Variants in ADAMTS12 observed in about 807,000 individuals in gnomAD.
The protein encoded by ADAMTS12 is A disintegrin and metalloproteinase with thrombospondin motifs 12.
Under a neutral mutation model 167.8 loss-of-function variants are expected in ADAMTS12, and 118 were observed. That is an observed-to-expected ratio of 0.70 (90% CI 0.61 to 0.82). ADAMTS12 has a LOEUF of 0.82. Among genes scored for constraint, ADAMTS12 ranks in the 40% least tolerant of loss-of-function variants. The probability of loss-of-function intolerance (pLI) is 0.00; values close to 1 mark genes in which losing one functional copy is unlikely to be tolerated. For synonymous variants in ADAMTS12, 704 were observed against 716.9 expected, an observed-to-expected ratio of 0.98 and a Z score of 0.29; for missense variants, 1,916 against 1,998.8, an observed-to-expected ratio of 0.96 and a Z score of 0.79.
intron 2 of ADAMTS12, among the ~76,000 whole-genome samples, chr5:33,879,911 T>A (rs1750368375): frequency 6.6e-6 from 1 of 152,182 alleles, no homozygotes; most frequent in Non-Finnish European, 1.5e-5. Flanking sequence ...TTTGTAGGAA[T>A]GCCAATGCCA....
chr5:33,779,516 C>T (rs1220427217), intron 2 of ADAMTS12, among the ~76,000 whole-genome samples: 1 of 152,148 alleles, frequency 6.6e-6, no homozygotes, highest in Non-Finnish European at 1.5e-5. Flanking sequence ...GATGTCTGAA[C>T]TCCTATGCTC....
intron 2 of ADAMTS12, among the ~76,000 whole-genome samples, chr5:33,752,499 C>T (rs1457154958): frequency 1.3e-5 from 2 of 152,126 alleles, no homozygotes; most frequent in Non-Finnish European, 2.9e-5. Context: ...AATTTCTCAG[C>T]TGAAAAATAG....
At chr5:33,829,125 A>G (rs986553865) in intron 2 of ADAMTS12, among the ~76,000 whole-genome samples, 1 of 152,150 alleles carries the variant, frequency 6.6e-6, no homozygotes, top group Non-Finnish European at 1.5e-5. Flanking sequence ...CAATGAGACA[A>G]ACAGATGGCA....
chr5:33,723,459 A>G (rs1176736965), intron 3 of ADAMTS12, among the ~76,000 whole-genome samples: 1 of 152,076 alleles, frequency 6.6e-6, no homozygotes, highest in African/African-American at 2.4e-5. Context: ...CCATCCCATA[A>G]TAACTGAGCT....
At chr5:33,834,553 A>G (rs1393865420) in intron 2 of ADAMTS12, among the ~76,000 whole-genome samples, 2 of 152,180 alleles carry the variant, frequency 1.3e-5, no homozygotes, top group East Asian at 1.9e-4. Flanking sequence ...ATGACCCTCT[A>G]TGAACTCTTA....
chr5:33,741,489 C>G (rs1561246222), intron 3 of ADAMTS12, among the ~76,000 whole-genome samples: 1 of 152,190 alleles, frequency 6.6e-6, no homozygotes, highest in Admixed American at 6.5e-5. Context: ...TCTCCAAATA[C>G]TGTCACATTC....
At chr5:33,855,837 C>T (rs532991856) in intron 2 of ADAMTS12, among the ~76,000 whole-genome samples, 8 of 152,270 alleles carry the variant, frequency 5.3e-5, no homozygotes, top group African/African-American at 1.7e-4. Flanking sequence ...AGCAATTCTC[C>T]CACCTCAACC....
At chr5:33,651,598 T>C (rs1449143586) in intron 7 of ADAMTS12, among the ~76,000 whole-genome samples, 4 of 152,242 alleles carry the variant, frequency 2.6e-5, no homozygotes, top group East Asian at 1.9e-4. Context: ...ATTAGAATTA[T>C]ACAACTAAAA....
intron 5 of ADAMTS12, among the ~76,000 whole-genome samples, chr5:33,681,433 T>C (rs866740348): frequency 2.0e-5 from 3 of 152,222 alleles, no homozygotes; most frequent in Admixed American, 6.5e-5. Context: ...ATTTCATCAG[T>C]TGGCTGGTCC....
intron 1 of ADAMTS12, among the ~76,000 whole-genome samples, chr5:33,889,619 C>T (rs1011383631): frequency 6.6e-6 from 1 of 152,088 alleles, no homozygotes; most frequent in Non-Finnish European, 1.5e-5. Flanking sequence ...TTTGTAAATC[C>T]ACTAGGGAAT....
chr5:33,545,269 A>G (rs1040592881), intron 22 of ADAMTS12, among the ~76,000 whole-genome samples: 3 of 152,262 alleles, frequency 2.0e-5, no homozygotes, highest in Non-Finnish European at 4.4e-5. Flanking sequence ...AATGCTCATC[A>G]TCACTGGTCA....
At chr5:33,606,714 T>C (rs1738455985) in intron 16 of ADAMTS12, among the ~76,000 whole-genome samples, 1 of 152,220 alleles carries the variant, frequency 6.6e-6, no homozygotes, top group Non-Finnish European at 1.5e-5. Flanking sequence ...TTATTTTATA[T>C]AAAGTTGCAG....
intron 2 of ADAMTS12, among the ~76,000 whole-genome samples, chr5:33,831,356 C>A (rs189460947): frequency 6.6e-6 from 1 of 152,284 alleles, no homozygotes; most frequent in Admixed American, 6.5e-5. Flanking sequence ...ATTCTGCTTC[C>A]AGACTCCACC....
intron 3 of ADAMTS12, among the ~76,000 whole-genome samples, chr5:33,736,929 T>C (rs1176877134): frequency 6.6e-6 from 1 of 152,204 alleles, no homozygotes; most frequent in East Asian, 1.9e-4. Flanking sequence ...TCAGTCTGCA[T>C]AAAGGTTTTC....
chr5:33,605,332 TCTC>T, intron 16 of ADAMTS12, among the ~76,000 whole-genome samples: 1 of 152,308 alleles, frequency 6.6e-6, no homozygotes, highest in Non-Finnish European at 1.5e-5. Context: ...TTGGATATCT[TCTC>T]CTTACCTCTT....
Position 33,577,293 on chromosome 5 carries a change from G to T in ADAMTS12, c.2866-133C>A, listed in dbSNP as rs1746809612. On this transcript the variant is annotated intron_variant, in intron 18 of 23. Transcript: ENST00000504830. ...TAAAATTGTCTGCTATCTACATTTG[G>T]TTTCTGTGCTCTTTCAGTTTTCCAT... 3.1e-6 allele frequency: 4 copies of T among 1,298,086 alleles called. No individual in the cohort carries two copies. The South Asian group carries it at 5.5e-5, about 18-fold the overall frequency. The allele number at this position is 1,298,086 out of a possible 1,614,324, so 80.4% of individuals were successfully genotyped here. A position where few individuals can be genotyped will look rare whatever the true frequency, so the allele number is the denominator to read the frequency against.
intron 2 of ADAMTS12, among the ~76,000 whole-genome samples, chr5:33,859,296 G>A (rs1749518185): frequency 6.6e-6 from 1 of 152,232 alleles, no homozygotes; most frequent in Non-Finnish European, 1.5e-5. Context: ...GTCTGAAGTT[G>A]ATCCGGGATG....
At chr5:33,782,637 T>C (rs1323586884) in intron 2 of ADAMTS12, among the ~76,000 whole-genome samples, 1 of 151,996 alleles carries the variant, frequency 6.6e-6, no homozygotes, top group Non-Finnish European at 1.5e-5. Flanking sequence ...AAGAGCTAGG[T>C]TGACTACATT....
chr5:33,668,426 G>T (rs1445062950), intron 5 of ADAMTS12, among the ~76,000 whole-genome samples: 1 of 152,102 alleles, frequency 6.6e-6, no homozygotes, highest in Admixed American at 6.6e-5. Context: ...AGTGGTCCTG[G>T]CATCTATTTT....
Sources: gnomAD v4.1 joint callset for allele counts (sites outside exome capture counted in the v4.1 genomes callset) on GRCh38, gnomAD v4.1.1 for gene constraint, MANE v1.5 for transcripts, NCBI Gene and HGNC (gene_info 2026-07-23, HGNC 2026-07-21) for gene names.